ZNF568: variants seen among roughly 807,000 people sequenced by gnomAD.
ZNF568 encodes zinc finger protein 568, also known as p53 inhibitor of SCO2 activation.
A neutral mutation model predicts 18.1 loss-of-function variants in ZNF568; 11 were observed. The observed-to-expected ratio is 0.61, with a 90% CI of 0.38 to 1.00. The LOEUF (loss-of-function observed/expected upper bound fraction) is 1.00, where lower values mean the gene tolerates loss of function less well. Among genes scored for constraint, ZNF568 ranks in the 50% least tolerant of loss-of-function variants. The pLI is 0.01. For missense variants in ZNF568, 639 were observed against 768.2 expected (o/e 0.83, Z 1.99); for synonymous variants, 213 against 246.6 (o/e 0.86, Z 1.28).
chr19:36,923,202 C>T (rs879289123), intron 3 of ZNF568, among the ~76,000 whole-genome samples: 6 of 152,128 alleles, frequency 3.9e-5, no homozygotes, highest in Non-Finnish European at 7.4e-5. Flanking sequence ...TTCTAAATAA[C>T]ATTCTTACAC....
chr19:36,996,775 A>G, exon 5 of ZNF568: 2 of 1,550,248 alleles, frequency 1.3e-6, no homozygotes, highest in African/African-American at 1.4e-5. Flanking sequence ...GAGCATTAAT[A>G]CTGGAGAGAA....
chr19:36,975,838 G>A lies in ZNF568; in HGVS notation c.405+1372G>A, dbSNP rs111578699. Among the ~76,000 whole-genome samples the A allele has an allele frequency of 9.2e-3, 1,389 of 151,666 alleles. 21 individuals carry two copies. The highest frequency in any genetic ancestry group is 0.032 in the African/African-American group (1,320 of 41,276). ...AACCTCCTGAGTAGCTGGGATTACAGGCGTGCGCCACCATGCCCAGCTAGT... is the reference window on the plus strand; with the variant it reads ...AACCTCCTGAGTAGCTGGGATTACAAGCGTGCGCCACCATGCCCAGCTAGT... On this transcript the variant is annotated intron_variant, in intron 7 of 7. Transcript: ENST00000427117.
intron 6 of ZNF568, among the ~76,000 whole-genome samples, chr19:36,939,536 T>C (rs949047569): frequency 4.7e-4 from 25 of 53,140 alleles, no homozygotes; most frequent in South Asian, 1.6e-3. Flanking sequence ...TTCTTTCTTT[T>C]TTTTTTTTTT....
intron 6 of ZNF568, among the ~76,000 whole-genome samples, chr19:36,944,869 C>T (rs1024604645): frequency 2.0e-5 from 3 of 152,088 alleles, no homozygotes; most frequent in African/African-American, 7.2e-5. Context: ...TTTGAGTTTT[C>T]TTCCTTAGAA....
downstream of ZNF568, among the ~76,000 whole-genome samples, chr19:36,982,978 T>G (rs1013950776): frequency 1.3e-5 from 2 of 152,276 alleles, no homozygotes; most frequent in African/African-American, 4.8e-5. Flanking sequence ...CCAGGAGAAC[T>G]GTGGCCTTGG....
chr19:36,962,277 G>GTTTTTTTT (rs71177418), intron 6 of ZNF568, among the ~76,000 whole-genome samples: 31 of 45,268 alleles, frequency 6.8e-4, no homozygotes, highest in Non-Finnish European at 9.9e-4. Context: ...GTGTTGCAGT[G>GTTTTTTTT]TTTTTTTTTT....
At chr19:36,920,127 G>A (rs1325257022) in intron 2 of ZNF568, among the ~76,000 whole-genome samples, 1 of 152,040 alleles carries the variant, frequency 6.6e-6, no homozygotes, top group African/African-American at 2.4e-5. Flanking sequence ...GGAGGTGAAA[G>A]CCAGCACCAA....
intron 6 of ZNF568, among the ~76,000 whole-genome samples, chr19:36,937,990 G>A (rs2073818476): frequency 6.6e-6 from 1 of 151,958 alleles, no homozygotes; most frequent in Non-Finnish European, 1.5e-5. Flanking sequence ...CTTCTTTTTT[G>A]GAGTTATCCT....
intron 4 of ZNF568, among the ~76,000 whole-genome samples, chr19:36,931,203 C>T (rs1600783479): frequency 6.6e-6 from 1 of 152,080 alleles, no homozygotes; most frequent in Non-Finnish European, 1.5e-5. Context: ...AGCACATGAG[C>T]CAAGGTAAAG....
At chr19:36,984,928 T>C (rs2074363421) in intron 2 of ZNF568, among the ~76,000 whole-genome samples, 1 of 149,364 alleles carries the variant, frequency 6.7e-6, no homozygotes, top group Non-Finnish European at 1.5e-5. Context: ...TTTTATTTAT[T>C]CTGTTTAAGA....
intron 4 of ZNF568, among the ~76,000 whole-genome samples, chr19:36,933,548 A>G (rs1296522133): frequency 6.6e-6 from 1 of 152,072 alleles, no homozygotes; most frequent in African/African-American, 2.4e-5. Flanking sequence ...TAATTATCAG[A>G]TGTTAAATTA....
At chr19:36,979,992 A>G (rs953491066), downstream of ZNF568, 1 of 151,264 alleles carries the variant, frequency 6.6e-6, no homozygotes, top group Non-Finnish European at 1.5e-5. Context: ...CACCCCCGCA[A>G]CTTTCATGCT....
At chr19:36,997,688 A>G (rs767134624), downstream of ZNF568, 15 of 987,650 alleles carry the variant, frequency 1.5e-5, no homozygotes, top group Admixed American at 4.1e-5. Context: ...AGTCAACATC[A>G]AAGAATTCAT....
rs1472749956 is a variant in ZNF568 at position 36,949,937 on chromosome 19, A to C, written c.784A>C (p.Lys262Gln). ...CKECGKAFSR[K>Q]ENLITHQKIH... ...AGAATGTGGAAAAGCCTTCAGTAGG[A>C]AGGAAAATCTTATTACACATCAGAA... The change falls in exon 7 of 7, where the codon AAG becomes CAG. Residue 262 changes from lysine (K) to glutamine (Q), a missense_variant. Lys to Gln is a moderately conservative substitution (Grantham distance 53, BLOSUM62 1). Coordinates refer to ENST00000333987, the MANE Select transcript of ZNF568 (RefSeq NM_198539.4). The C allele has an allele frequency of 1.2e-6, 2 of 1,613,898 alleles. No individual in the cohort carries two copies. The highest frequency in any genetic ancestry group is 1.7e-6 in the Non-Finnish European group (2 of 1,179,938).
chr19:36,973,304 G>C (rs2074252031), intron 6 of ZNF568: 1 of 152,788 alleles, frequency 6.5e-6, no homozygotes, highest in Non-Finnish European at 1.5e-5. Context: ...GACGCCGAAG[G>C]GGGCGGTGAG....
At chr19:36,955,627 C>T (rs1190283100), downstream of ZNF568, among the ~76,000 whole-genome samples, 1 of 152,112 alleles carries the variant, frequency 6.6e-6, no homozygotes, top group Non-Finnish European at 1.5e-5. Flanking sequence ...TTTTCCTGGA[C>T]ACACATGAGT....
rs146437468 is a variant in ZNF568, at chr19:36,966,892, G to A, written c.359-7528G>A. Among the ~76,000 whole-genome samples, 314 of 152,312 alleles carry A rather than the reference G, an allele frequency of 2.1e-3. 2 individuals are homozygous for A. Among genetic ancestry groups the A allele is most frequent in the African/African-American group, 7.2e-3 (298 of 41,586 alleles). On this transcript the variant is annotated intron_variant, in intron 6 of 7. Transcript: ENST00000427117. The stretch of plus-strand genomic sequence containing the variant: ...GCTGAGGCCCTTCTCATGAGAGACC[G>A]TGTGCTCCAGACCTCATGCTCACAG...
rs758479423 is a variant in ZNF568, at chr19:36,949,634, A to G, written c.481A>G (p.Ile161Val). Residue 161 changes from isoleucine (I) to valine (V), a missense_variant, in exon 7 of 7, where the codon ATA (isoleucine) becomes GTA (valine). Transcript: ENST00000333987. ...CATTGAATGTAAAAAAGTTGCGAAA[A>G]TATTTCCTCTGAGTTCAGACATTGT... ...KVIECKKVAK[I>V]FPLSSDIVTS... 3.1e-6 allele frequency: 5 copies of G among 1,613,770 alleles called. No individual in the cohort carries two copies. In the East Asian group the frequency reaches 8.9e-5, roughly 29 times the overall value.
chr19:36,935,841 A>T (rs1377198398), intron 4 of ZNF568, among the ~76,000 whole-genome samples: 1 of 152,028 alleles, frequency 6.6e-6, no homozygotes. Flanking sequence ...TTTTCAAGCT[A>T]TTTGTATATT....
Sources: gnomAD v4.1 joint callset for allele counts (sites outside exome capture counted in the v4.1 genomes callset) on GRCh38, gnomAD v4.1.1 for gene constraint, MANE v1.5 for transcripts, NCBI Gene and HGNC (gene_info 2026-07-23, HGNC 2026-07-21) for gene names.